Variants in ADAMTS7 observed in about 807,000 individuals in gnomAD.
The protein encoded by ADAMTS7 is A disintegrin and metalloproteinase with thrombospondin motifs 7.
Under a neutral mutation model 172.6 loss-of-function variants are expected in ADAMTS7, and 89 were observed. The ratio of observed to expected loss-of-function variants is 0.52; its 90% CI spans 0.43 to 0.61. The LOEUF (loss-of-function observed/expected upper bound fraction) is 0.61. ADAMTS7 is among the 20% of genes least tolerant of loss of function. ADAMTS7 has a pLI of 0.00. For synonymous variants in ADAMTS7, 885 were observed against 978.4 expected (o/e 0.90, Z 1.78); for missense variants, 1,973 against 2,355.6 (o/e 0.84, Z 3.36).
intron 16 of ADAMTS7, among the ~76,000 whole-genome samples, chr15:78,768,503 G>A (rs1044094599): frequency 7.9e-5 from 12 of 152,158 alleles, no homozygotes; most frequent in Non-Finnish European, 1.5e-4. Context: ...GAGTGTGGAT[G>A]TTTAGTGGGT....
At position 78,762,416 on chromosome 15, in the gene ADAMTS7, G is replaced by C; in HGVS notation, c.4890C>G (p.Pro1630=). The change falls in exon 23 of 24, where the codon CCC becomes CCG. Residue 1630 remains proline, a synonymous_variant. Coordinates refer to ENST00000388820, the MANE Select transcript of ADAMTS7 (RefSeq NM_014272.5). ...CAGGGGACTCACGGGGAGGCTCGAC[G>C]GGCTCACAATCCTCGGTGCCACACG... ...SRPCGTEDCE[P]VEPPRCERDR... The C allele has an allele frequency of 4.7e-6, 7 of 1,491,320 alleles. No homozygotes were observed. The highest frequency in any genetic ancestry group is 6.3e-6 in the Non-Finnish European group (7 of 1,117,738). The allele number at this position is 1,491,320 out of a possible 1,614,324, so 92.4% of individuals were successfully genotyped here.
intron 13 of ADAMTS7, among the ~76,000 whole-genome samples, chr15:78,773,673 G>T (rs1463002812): frequency 3.9e-5 from 6 of 152,112 alleles, no homozygotes; most frequent in Non-Finnish European, 7.4e-5. Flanking sequence ...GCAAAGAGGA[G>T]AGGCCGTCAT....
chr15:78,781,140 T>C (rs1240511627), intron 8 of ADAMTS7, among the ~76,000 whole-genome samples: 1 of 152,216 alleles, frequency 6.6e-6, no homozygotes, highest in Non-Finnish European at 1.5e-5. Context: ...GGGTGGTCTG[T>C]GAGTGCCTCT....
At position 78,798,039 on chromosome 15, in the gene ADAMTS7, G is replaced by A. The variant is rs756109918; in HGVS notation, c.531C>T (p.His177=). 1.5e-5 allele frequency: 24 copies of A among 1,570,000 alleles called. No homozygotes were observed. Among genetic ancestry groups the A allele is most frequent in the East Asian group, 7.1e-5 (3 of 41,970 alleles). ...PLDSAPARPG[H]AQPHVVYKRQ... is the part of the protein sequence containing the mutation. ...GCTTGTACACCACATGGGGCTGGGC[G>A]TGGCCAGGCCGGGCCGGGGCACTGT... Residue 177 remains histidine, a synonymous_variant, in exon 3 of 24, where the codon CAC becomes CAT. Coordinates refer to ENST00000388820, the MANE Select transcript of ADAMTS7 (RefSeq NM_014272.5).
intron 16 of ADAMTS7, chr15:78,770,913 A>G (rs1371304059): frequency 3.7e-6 from 2 of 539,560 alleles, no homozygotes; most frequent in Non-Finnish European, 6.6e-6. Flanking sequence ...CTGGAGGGAG[A>G]ACGCCAAGAG....
intron 3 of ADAMTS7, 57 bp from the exon 4 acceptor site, chr15:78,796,843 C>A: frequency 2.1e-6 from 3 of 1,453,206 alleles, no homozygotes; most frequent in Non-Finnish European, 9.3e-7. Context: ...GGGCACACGT[C>A]TCCAGGGCCT....
intron 11 of ADAMTS7, among the ~76,000 whole-genome samples, chr15:78,775,328 G>A (rs1208440354): frequency 6.6e-6 from 1 of 152,166 alleles, no homozygotes; most frequent in East Asian, 1.9e-4. Context: ...GAAATCCTCC[G>A]CATCTAGGCC....
Position 78,771,223 on chromosome 15 carries a change from C to A in ADAMTS7, c.2457G>T (p.Pro819=). ...CATAATGCCAGGAGAACACGGGCGG[C>A]GGGACCTCGTCGTGGCCACCTGCCT... ...HREAGGHDEV[P]PPVFSWHYGP... Residue 819 remains proline, a synonymous_variant, in exon 16 of 24, where the codon CCG becomes CCT. Coordinates refer to ENST00000388820, the MANE Select transcript of ADAMTS7 (RefSeq NM_014272.5). The surrounding 1 kb of genome is among the most constrained non-coding windows in gnomAD (Gnocchi z 4.9). The A allele has an allele frequency of 6.2e-7, 1 of 1,611,796 alleles. No homozygotes were observed. The highest frequency in any genetic ancestry group is 8.5e-7 in the Non-Finnish European group (1 of 1,179,552).
chr15:78,764,069 C>G lies in ADAMTS7; in HGVS notation c.4450G>C (p.Val1484Leu), dbSNP rs1438165759. ...CSRSCGGGSS[V>L]RDVQCVDTRD... ...GTGTCCACACACTGCACGTCCCGCA[C>G]TGAGGAACCTCCGCCGCAGCTGCGG... is the stretch of plus-strand genomic sequence containing the variant. Residue 1484 changes from valine (V) to leucine (L), a missense_variant, in exon 21 of 24, where the codon GTG (valine) becomes CTG (leucine). Val to Leu is a conservative substitution (Grantham distance 32). Around this residue, in one of 8 missense-constraint regions of ADAMTS7, gnomAD observed 218 missense variants for 216.9 expected, o/e 1.01. Coordinates refer to ENST00000388820, the MANE Select transcript of ADAMTS7 (RefSeq NM_014272.5). 1.3e-6 allele frequency: 2 copies of G among 1,531,202 alleles called. No homozygotes were observed. The highest frequency in any genetic ancestry group is 2.3e-4 in the Middle Eastern group (1 of 4,276). The allele number at this position is 1,531,202 out of a possible 1,614,324, so 94.9% of individuals were successfully genotyped here.
chr15:78,777,529 G>A lies in ADAMTS7; in HGVS notation c.1382C>T (p.Ser461Leu), dbSNP rs770877686. Residue 461 changes from serine to leucine, a missense_variant, in exon 9 of 24, where the codon TCG (serine) becomes TTG (leucine). Transcript: ENST00000388820. ...ATCATAGAGGACGCCAGGTGGCACCGAGGGGAAGTCGATAATGTCCTTGGC... is the reference window on the plus strand; with the variant it reads ...ATCATAGAGGACGCCAGGTGGCACCAAGGGGAAGTCGATAATGTCCTTGGC... ...PPAKDIIDFPSVPPGVLYDVS... is the reference protein window; with the variant it reads ...PPAKDIIDFPLVPPGVLYDVS... 5.3e-5 allele frequency: 85 copies of A among 1,610,278 alleles called. 1 individual carries two copies. The highest frequency in any genetic ancestry group is 4.4e-4 in the Admixed American group (26 of 59,510).
chr15:78,774,071 G>A (rs1364635313), intron 13 of ADAMTS7, 96 bp downstream of exon 13: 44 of 1,533,700 alleles, frequency 2.9e-5, no homozygotes, highest in East Asian at 1.7e-4. Context: ...GCCATGGCCC[G>A]AGGAGGATCA....
At chr15:78,775,254 C>T (rs1294316019) in intron 11 of ADAMTS7, among the ~76,000 whole-genome samples, 2 of 152,216 alleles carry the variant, frequency 1.3e-5, no homozygotes, top group Non-Finnish European at 2.9e-5. Flanking sequence ...GTACCCCCAG[C>T]CCGGGTCTAA....
rs898369927 is a variant in ADAMTS7 at position 78,760,095 on chromosome 15, G to A, written c.4904-517C>T. Among the ~76,000 whole-genome samples, 467 of 120,204 alleles carry A rather than the reference G, an allele frequency of 3.9e-3. 2 individuals are homozygous for A. Among genetic ancestry groups the A allele is most frequent in the African/African-American group, 0.018 (435 of 23,710 alleles). 78.9% of individuals were successfully genotyped at this position (120,204 alleles called of 152,430 possible). ...CTCAGCCTCGGGTTCTGAGTCACAG[G>A]GTCCCATCTCCCAGGCCAGCCTCCC... On this transcript the variant is annotated intron_variant, in intron 23 of 23. Coordinates refer to ENST00000388820, the MANE Select transcript of ADAMTS7 (RefSeq NM_014272.5).
At chr15:78,778,507 C>T (rs899116218) in intron 8 of ADAMTS7, among the ~76,000 whole-genome samples, 9 of 152,232 alleles carry the variant, frequency 5.9e-5, no homozygotes, top group African/African-American at 2.2e-4. Context: ...GACCACCCTG[C>T]CCATGGCTCA....
chr15:78,806,128 A>ACACACACACACACAC (rs1491145070), intron 1 of ADAMTS7, among the ~76,000 whole-genome samples: 1 of 19,284 alleles, frequency 5.2e-5, no homozygotes, highest in African/African-American at 1.6e-4. Context: ...ACACACACAC[A>ACACACACACACACAC]AAAAAAAAAA....
At chr15:78,781,204 A>C (rs2055423347) in intron 8 of ADAMTS7, among the ~76,000 whole-genome samples, 1 of 152,090 alleles carries the variant, frequency 6.6e-6, no homozygotes, top group South Asian at 2.1e-4. Flanking sequence ...CTTTCGGTGA[A>C]TCTCACTCAT....
At position 78,771,140 on chromosome 15, in the gene ADAMTS7, C is replaced by T. The variant is rs768081186; in HGVS notation, c.2518+22G>A. The T allele has an allele frequency of 5.0e-6, 8 of 1,584,724 alleles. No homozygotes were observed. The African/African-American group carries it at 8.1e-5, about 16-fold the overall frequency. ...AGACACTAAGCCCCTGCAGGTGGGGCTGTGCCTGCCCCACTTCTCACCTCT... is the reference window on the plus strand; with the variant it reads ...AGACACTAAGCCCCTGCAGGTGGGGTTGTGCCTGCCCCACTTCTCACCTCT... On this transcript the variant is annotated intron_variant, in intron 16 of 23. Transcript: ENST00000388820. This position sits in a 1 kb window ranked among gnomAD's most constrained non-coding sequence, Gnocchi z 4.9.
intron 8 of ADAMTS7, among the ~76,000 whole-genome samples, chr15:78,783,217 AC>A (rs2055456045): frequency 6.6e-6 from 1 of 152,266 alleles, no homozygotes; most frequent in African/African-American, 2.4e-5. Context: ...CACAAACTGC[AC>A]AATGAGTATC....
intron 4 of ADAMTS7, among the ~76,000 whole-genome samples, chr15:78,795,916 C>T (rs1320343143): frequency 2.0e-5 from 3 of 152,200 alleles, no homozygotes; most frequent in African/African-American, 4.8e-5. Flanking sequence ...CACCTGAGCT[C>T]CCATCTGGCT....
Sources: allele counts gnomAD v4.1 joint callset (sites outside exome capture counted in the v4.1 genomes callset), GRCh38; gene constraint gnomAD v4.1.1; regional missense constraint gnomAD v4.1.1; non-coding constraint Gnocchi (gnomAD v3.1); transcripts MANE v1.5; gene names NCBI Gene and HGNC (gene_info 2026-07-23, HGNC 2026-07-21).